Variants in MCC observed in about 807,000 individuals in gnomAD.
The protein encoded by MCC is MCC regulator of Wnt signaling pathway.
A neutral mutation model predicts 116.2 loss-of-function variants in MCC; 90 were observed. The ratio of observed to expected loss-of-function variants is 0.77; its 90% CI spans 0.65 to 0.92. MCC has a LOEUF of 0.92. MCC is among the 40% of genes least tolerant of loss of function. The pLI is 0.00. For missense variants in MCC, 1,516 were observed against 1,312.2 expected (o/e 1.16, Z -2.40); for synonymous variants, 578 against 510.5 (o/e 1.13, Z -1.78).
chr5:113,348,002 G>A (rs181182998), intron 2 of MCC, among the ~76,000 whole-genome samples: 1 of 152,088 alleles, frequency 6.6e-6, no homozygotes, highest in Admixed American at 6.6e-5. Flanking sequence ...TGATAAAGGG[G>A]TCAATTCAGC....
chr5:113,470,628 T>C (rs1277086834), intron 1 of MCC, among the ~76,000 whole-genome samples: 1 of 152,162 alleles, frequency 6.6e-6, no homozygotes, highest in Non-Finnish European at 1.5e-5. Flanking sequence ...TTTCCTTCAT[T>C]TCAACTCTGG....
At position 113,063,347 on chromosome 5, in the gene MCC, T is replaced by G. The variant is rs1753352975; in HGVS notation, c.2213+637A>C. Reference sequence around the variant, plus strand: ...TCAGCAAATTATGCTCTGCAAGGTCTTCGCCGCTCTCTTCCTAGCTTCCTT... The same window carrying G: ...TCAGCAAATTATGCTCTGCAAGGTCGTCGCCGCTCTCTTCCTAGCTTCCTT... On this transcript the variant is annotated intron_variant, in intron 14 of 18. Transcript: ENST00000408903. Among the ~76,000 whole-genome samples the G allele has an allele frequency of 3.3e-5, 5 of 152,252 alleles. No individual in the cohort carries two copies. The South Asian group carries it at 1.0e-3, about 32-fold the overall frequency.
At chr5:113,113,200 A>C (rs1175266051) in intron 6 of MCC, among the ~76,000 whole-genome samples, 1 of 152,224 alleles carries the variant, frequency 6.6e-6, no homozygotes, top group Non-Finnish European at 1.5e-5. Flanking sequence ...GCCTCAACAC[A>C]GACTTTCTGT....
chr5:113,131,482 C>T (rs1221814241), intron 5 of MCC, among the ~76,000 whole-genome samples: 1 of 151,966 alleles, frequency 6.6e-6, no homozygotes, highest in Non-Finnish European at 1.5e-5. Flanking sequence ...GTGTTTAATC[C>T]TAGGAGATAG....
At chr5:113,038,153 T>C (rs746473310) in intron 17 of MCC, among the ~76,000 whole-genome samples, 2 of 151,670 alleles carry the variant, frequency 1.3e-5, no homozygotes, top group Non-Finnish European at 2.9e-5. Flanking sequence ...CCTGGATCAT[T>C]AGGAGAAGGG....
chr5:113,082,760 T>C, intron 11 of MCC, 100 bp downstream of exon 11: 1 of 1,452,542 alleles, frequency 6.9e-7, no homozygotes, highest in Non-Finnish European at 9.4e-7. Context: ...CTGCTCTATG[T>C]CACAATACAT....
At chr5:113,218,737 A>T (rs1210815434) in intron 3 of MCC, among the ~76,000 whole-genome samples, 1 of 152,234 alleles carries the variant, frequency 6.6e-6, no homozygotes, top group African/African-American at 2.4e-5. Flanking sequence ...ATGTGTTCAC[A>T]AGGCTTTGAT....
chr5:113,417,162 G>T (rs549811434), intron 1 of MCC, among the ~76,000 whole-genome samples: 3 of 152,032 alleles, frequency 2.0e-5, no homozygotes, highest in Admixed American at 2.0e-4. Context: ...GAGAGACTGG[G>T]TTTCACCATG....
intron 1 of MCC, among the ~76,000 whole-genome samples, chr5:113,410,889 G>A (rs963531449): frequency 2.0e-5 from 3 of 152,162 alleles, no homozygotes; most frequent in Admixed American, 6.5e-5. Context: ...AGTTTGCTCA[G>A]AATGATGGTT....
intron 2 of MCC, among the ~76,000 whole-genome samples, chr5:113,361,014 G>A (rs971760844): frequency 3.9e-5 from 6 of 152,112 alleles, no homozygotes; most frequent in Middle Eastern, 3.2e-3. Context: ...AATGTCTAGG[G>A]GCTTTGCATT....
intron 1 of MCC, among the ~76,000 whole-genome samples, chr5:113,397,990 C>A (rs948984333): frequency 2.6e-5 from 4 of 151,934 alleles, no homozygotes; most frequent in African/African-American, 9.7e-5. Context: ...AATCAGTGAG[C>A]AAAAAACAAA....
At chr5:113,329,228 G>A (rs538835659) in intron 3 of MCC, among the ~76,000 whole-genome samples, 5 of 152,320 alleles carry the variant, frequency 3.3e-5, no homozygotes, top group Admixed American at 6.5e-5. Context: ...AAGAAATGCA[G>A]AGGGAGTTCC....
At chr5:113,117,748 G>A (rs1757476673) in intron 6 of MCC, among the ~76,000 whole-genome samples, 2 of 152,240 alleles carry the variant, frequency 1.3e-5, no homozygotes, top group Non-Finnish European at 1.5e-5. Context: ...CATGCAGGAT[G>A]CAATGAGTCT....
intron 2 of MCC, among the ~76,000 whole-genome samples, chr5:113,356,065 T>TTC (rs1293936218): frequency 6.7e-6 from 1 of 148,482 alleles, no homozygotes; most frequent in Non-Finnish European, 1.5e-5. Flanking sequence ...CAAGGTGTAT[T>TTC]TTTTTTTTTT....
intron 3 of MCC, among the ~76,000 whole-genome samples, chr5:113,152,080 C>G (rs754115290): frequency 6.6e-6 from 1 of 152,172 alleles, no homozygotes; most frequent in Non-Finnish European, 1.5e-5. Context: ...CACCAGAACT[C>G]TGACAAATGA....
chr5:113,390,453 A>C (rs1769374383), intron 1 of MCC, among the ~76,000 whole-genome samples: 1 of 152,198 alleles, frequency 6.6e-6, no homozygotes, highest in South Asian at 2.1e-4. Flanking sequence ...AGCAGAACTA[A>C]AATGACTTCA....
At chr5:113,294,266 G>C (rs1050704911) in intron 3 of MCC, 1 of 1,609,906 alleles carries the variant, frequency 6.2e-7, no homozygotes, top group African/African-American at 1.3e-5. Flanking sequence ...GTCGAGGGGA[G>C]GGGGATTTGT....
intron 3 of MCC, among the ~76,000 whole-genome samples, chr5:113,159,238 A>G (rs759669606): frequency 4.6e-5 from 7 of 152,212 alleles, no homozygotes; most frequent in Non-Finnish European, 8.8e-5. Context: ...TGGCATGTTC[A>G]CCTGTCCAGG....
chr5:113,478,987 C>T (rs763333528), intron 1 of MCC, among the ~76,000 whole-genome samples: 2 of 152,124 alleles, frequency 1.3e-5, no homozygotes, highest in Admixed American at 6.6e-5. Flanking sequence ...AACAGATAAT[C>T]CTGTTTCTCA....
Sources: allele counts gnomAD v4.1 joint callset (sites outside exome capture counted in the v4.1 genomes callset), GRCh38; gene constraint gnomAD v4.1.1; transcripts MANE v1.5; gene names NCBI Gene and HGNC (gene_info 2026-07-23, HGNC 2026-07-21).